CNTLN: variants seen among roughly 807,000 people sequenced by gnomAD.
The protein encoded by CNTLN is centlein, centrosomal protein.
CNTLN carries 212 observed loss-of-function variants against 180.0 expected under a neutral mutation model. The observed-to-expected ratio is 1.18, with a 90% CI of 1.05 to 1.32. The LOEUF is 1.32. Among genes scored for constraint, CNTLN ranks in the 40% most tolerant of loss-of-function variants. The pLI is 0.00. For synonymous variants in CNTLN, 722 were observed against 563.1 expected (o/e 1.28, Z -3.99); for missense variants, 2,095 against 1,610.9 (o/e 1.30, Z -5.14).
intron 6 of CNTLN, among the ~76,000 whole-genome samples, chr9:17,287,240 CT>C (rs1305282588): frequency 1.3e-5 from 2 of 151,852 alleles, no homozygotes; most frequent in East Asian, 3.9e-4. Flanking sequence ...TTGTCAAAGG[CT>C]TTTTCTGCAT....
chr9:17,364,701 A>T (rs1823667591), intron 12 of CNTLN, among the ~76,000 whole-genome samples: 2 of 151,832 alleles, frequency 1.3e-5, no homozygotes, highest in Non-Finnish European at 2.9e-5. Flanking sequence ...TTGACTCGAG[A>T]ATTATTTTCT....
At chr9:17,271,051 C>T (rs969761398) in intron 5 of CNTLN, among the ~76,000 whole-genome samples, 2 of 148,426 alleles carry the variant, frequency 1.3e-5, no homozygotes, top group South Asian at 2.2e-4. Flanking sequence ...TCCGGGTTCA[C>T]ACCATTCTCC....
rs374531017 is a variant in CNTLN, at chr9:17,285,575, G to A, written c.983+11709G>A. 2.2e-4 allele frequency among the ~76,000 whole-genome samples: 28 copies of A among 127,640 alleles called. 1 individual carries two copies. The highest frequency in any genetic ancestry group is 1.5e-3 in the Admixed American group (19 of 12,670). 83.7% of individuals were successfully genotyped at this position (127,640 alleles called of 152,430 possible). A position where few individuals can be genotyped will look rare whatever the true frequency, so the allele number is the denominator to read the frequency against. On this transcript the variant is annotated intron_variant, in intron 6 of 25. Coordinates refer to ENST00000380647, the MANE Select transcript of CNTLN (RefSeq NM_017738.4). ...TCTAGTTCTAGATCCCTGAGGAATC[G>A]CCACACTGACTTCCACAATGGTTGA... is the stretch of plus-strand genomic sequence containing the variant.
chr9:17,319,309 G>T (rs1819749378), intron 8 of CNTLN, among the ~76,000 whole-genome samples: 2 of 152,178 alleles, frequency 1.3e-5, no homozygotes, highest in South Asian at 4.1e-4. Flanking sequence ...CAGTACGTCT[G>T]GGCTGGGGCC....
chr9:17,340,884 A>G lies in CNTLN; in HGVS notation c.1702A>G (p.Met568Val), dbSNP rs1268089976. Reference sequence around the variant, plus strand: ...TGAAAAACGCAAGGAACGGCTACAGATGTTACAGACCAACTACAGAGCAGT... The same window carrying G: ...TGAAAAACGCAAGGAACGGCTACAGGTGTTACAGACCAACTACAGAGCAGT... Reference protein sequence around the residue: ...AHEKRKERLQMLQTNYRAVKE... With the variant: ...AHEKRKERLQVLQTNYRAVKE... Residue 568 changes from methionine (M) to valine (V), a missense_variant, in exon 11 of 26, where the codon ATG (methionine) becomes GTG (valine). By Grantham distance (21) the Met-to-Val change is conservative (BLOSUM62 1). Coordinates refer to ENST00000380647, the MANE Select transcript of CNTLN (RefSeq NM_017738.4). 1 of 1,612,520 alleles carries G rather than the reference A, an allele frequency of 6.2e-7. No individual in the cohort carries two copies. The highest frequency in any genetic ancestry group is 1.3e-5 in the African/African-American group (1 of 74,840).
At chr9:17,256,571 T>TC (rs1826505745) in intron 5 of CNTLN, among the ~76,000 whole-genome samples, 1 of 151,684 alleles carries the variant, frequency 6.6e-6, no homozygotes, top group African/African-American at 2.4e-5. Flanking sequence ...CTTTTTTTTT[T>TC]TAGTGTAAAG....
chr9:17,457,566 G>A lies in CNTLN; in HGVS notation c.3157G>A (p.Asp1053Asn), dbSNP rs1588041900. 2 of 1,528,810 alleles carry A rather than the reference G, an allele frequency of 1.3e-6. No homozygotes were observed. The highest frequency in any genetic ancestry group is 5.0e-5 in the East Asian group (2 of 40,396). 94.7% of individuals were successfully genotyped at this position (1,528,810 alleles called of 1,614,324 possible). A position where few individuals can be genotyped will look rare whatever the true frequency, so the allele number is the denominator to read the frequency against. Residue 1053 changes from aspartate (D) to asparagine (N), a missense_variant, in exon 19 of 26, where the codon GAT (aspartate) becomes AAT (asparagine). By Grantham distance (23) the Asp-to-Asn change is conservative. Coordinates refer to ENST00000380647, the MANE Select transcript of CNTLN (RefSeq NM_017738.4). ...GGCTGGGCTTCGGAAAGAAAAAGAA[G>A]ATTTACTAAAGAAATTGGAGTCCTC... ...DLAGLRKEKE[D>N]LLKKLESSSE... is the part of the protein sequence containing the mutation.
intron 13 of CNTLN, among the ~76,000 whole-genome samples, chr9:17,378,728 T>C (rs536715041): frequency 6.6e-6 from 1 of 152,222 alleles, no homozygotes; most frequent in Non-Finnish European, 1.5e-5. Context: ...CTCCACCAAC[T>C]ACAGAGTGTT....
chr9:17,263,770 G>A (rs1827191213), intron 5 of CNTLN, among the ~76,000 whole-genome samples: 1 of 145,644 alleles, frequency 6.9e-6, no homozygotes, highest in African/African-American at 2.6e-5. Flanking sequence ...TTGTGGTTTT[G>A]ATTTGCATTT....
chr9:17,450,032 A>T (rs561472910), intron 18 of CNTLN, among the ~76,000 whole-genome samples: 7 of 152,354 alleles, frequency 4.6e-5, no homozygotes, highest in African/African-American at 1.7e-4. Flanking sequence ...TTGTGTTACA[A>T]AGTATAAGGG....
At chr9:17,174,800 G>C (rs1387321026) in intron 2 of CNTLN, among the ~76,000 whole-genome samples, 1 of 151,852 alleles carries the variant, frequency 6.6e-6, no homozygotes. Context: ...TGGTTTATCT[G>C]CTTCTTCACC....
intron 6 of CNTLN, among the ~76,000 whole-genome samples, chr9:17,294,282 G>A (rs1817631447): frequency 6.6e-6 from 1 of 152,018 alleles, no homozygotes; most frequent in Non-Finnish European, 1.5e-5. Context: ...TGCTTTTATT[G>A]TCTTATCTGG....
In CNTLN at chr9:17,241,588, G is replaced by A. The variant is rs185450742; in HGVS notation, c.849+5000G>A. Among the ~76,000 whole-genome samples, 310 of 152,022 alleles carry A rather than the reference G, an allele frequency of 2.0e-3. 1 individual carries two copies. The highest frequency in any genetic ancestry group is 7.2e-3 in the African/African-American group (297 of 41,380). ...TTCAGATTAAAAAAAATTCTGCGAAGAATGTCATTAGTATTTTGATAGGGA... is the reference window on the plus strand; with the variant it reads ...TTCAGATTAAAAAAAATTCTGCGAAAAATGTCATTAGTATTTTGATAGGGA... On this transcript the variant is annotated intron_variant, in intron 5 of 25. Coordinates refer to ENST00000380647, the MANE Select transcript of CNTLN (RefSeq NM_017738.4).
Position 17,485,264 on chromosome 9 carries a change from G to A in CNTLN, c.4041+784G>A, listed in dbSNP as rs144136340. 1.9e-3 allele frequency among the ~76,000 whole-genome samples: 286 copies of A among 152,084 alleles called. 3 individuals are homozygous for A. The highest frequency in any genetic ancestry group is 6.7e-3 in the African/African-American group (278 of 41,524). Reference sequence around the variant, plus strand: ...AAATATTTGTTCAATGATAGACTTGGGTGTCTGTATGAGATCATCCTCTGG... The same window carrying A: ...AAATATTTGTTCAATGATAGACTTGAGTGTCTGTATGAGATCATCCTCTGG... On this transcript the variant is annotated intron_variant, in intron 24 of 25. Coordinates refer to ENST00000380647, the MANE Select transcript of CNTLN (RefSeq NM_017738.4).
rs537036821 is a variant in CNTLN, at chr9:17,428,423, A to G, written c.3114+12234A>G. ...CCCTGTGAGATTAGATACTATTTTT[A>G]TCTCCATTTTACAGAAATTAACTTG... is the stretch of plus-strand genomic sequence containing the variant. On this transcript the variant is annotated intron_variant, in intron 18 of 25. Coordinates refer to ENST00000380647, the MANE Select transcript of CNTLN (RefSeq NM_017738.4). 3.2e-4 allele frequency among the ~76,000 whole-genome samples: 49 copies of G among 152,256 alleles called. No individual in the cohort carries two copies. In the South Asian group the frequency reaches 5.4e-3, roughly 17 times the overall value.
At chr9:17,325,408 G>GTA (rs1554689484) in intron 8 of CNTLN, among the ~76,000 whole-genome samples, 1 of 145,584 alleles carries the variant, frequency 6.9e-6, no homozygotes, top group Admixed American at 6.9e-5. Context: ...GTGTGTGTGT[G>GTA]TGTGTATGTA....
intron 2 of CNTLN, among the ~76,000 whole-genome samples, chr9:17,145,228 T>C (rs1473671363): frequency 6.6e-6 from 1 of 152,234 alleles, no homozygotes; most frequent in Non-Finnish European, 1.5e-5. Context: ...AAAATAAAGT[T>C]TAAAATAACA....
At chr9:17,392,630 G>A (rs1826198150) in intron 14 of CNTLN, among the ~76,000 whole-genome samples, 1 of 152,076 alleles carries the variant, frequency 6.6e-6, no homozygotes, top group African/African-American at 2.4e-5. Flanking sequence ...GTCATGTGTA[G>A]GTCCTTTAAG....
intron 7 of CNTLN, among the ~76,000 whole-genome samples, chr9:17,306,513 C>T (rs1443113945): frequency 6.6e-6 from 1 of 152,182 alleles, no homozygotes. Context: ...ATAGAGCCTT[C>T]TTCCATGAAT....
Sources: allele counts gnomAD v4.1 joint callset (sites outside exome capture counted in the v4.1 genomes callset), GRCh38; gene constraint gnomAD v4.1.1; transcripts MANE v1.5; gene names NCBI Gene and HGNC (gene_info 2026-07-23, HGNC 2026-07-21).